SNRPN: variants seen among roughly 807,000 people sequenced by gnomAD.
SNRPN encodes the protein small nuclear ribonucleoprotein-associated protein N.
In SNRPN, 7 loss-of-function variants were observed where a neutral mutation model predicts 25.2. The observed-to-expected ratio is 0.28, with a 90% CI of 0.16 to 0.52. The LOEUF (loss-of-function observed/expected upper bound fraction) is 0.52, where lower values mean the gene tolerates loss of function less well. SNRPN is among the 20% of genes least tolerant of loss of function. The pLI, the probability that SNRPN is intolerant of heterozygous loss-of-function variation, is 0.96. For synonymous variants in SNRPN, 124 were observed against 110.6 expected (o/e 1.12, Z -0.76); for missense variants, 196 against 322.5 (o/e 0.61, Z 3.00).
At chr15:24,914,385 A>G (rs919403422) in intron 2 of SNRPN, among the ~76,000 whole-genome samples, 5 of 152,088 alleles carry the variant, frequency 3.3e-5, no homozygotes, top group Non-Finnish European at 1.5e-5. Context: ...TCCAGCTTCA[A>G]ACTATACTCT....
upstream of SNRPN, among the ~76,000 whole-genome samples, chr15:24,952,770 C>T (rs999683444): frequency 6.6e-6 from 1 of 151,912 alleles, no homozygotes; most frequent in African/African-American, 2.4e-5. Flanking sequence ...AAAAGTAATT[C>T]ATAATCACTG....
chr15:24,973,771 A>G (rs2076746148), intron 3 of SNRPN, among the ~76,000 whole-genome samples: 3 of 152,160 alleles, frequency 2.0e-5, no homozygotes, highest in Non-Finnish European at 4.4e-5. Context: ...CTATATATAT[A>G]TATTCCATAG....
intron 2 of SNRPN, among the ~76,000 whole-genome samples, chr15:24,837,585 G>A (rs1271402440): frequency 2.0e-5 from 3 of 151,792 alleles, no homozygotes; most frequent in Non-Finnish European, 4.4e-5. Context: ...TAGCTAGGAT[G>A]GTCTCGATCT....
At chr15:24,909,048 T>C (rs1313364329) in intron 2 of SNRPN, 16 of 1,424,674 alleles carry the variant, frequency 1.1e-5, no homozygotes, top group Non-Finnish European at 1.6e-5. Context: ...TTAACTTCTT[T>C]CTTGGGCTTA....
At chr15:24,956,358 G>GGGGT (rs1555404335) in intron 1 of SNRPN, among the ~76,000 whole-genome samples, 9 of 151,570 alleles carry the variant, frequency 5.9e-5, no homozygotes, top group Non-Finnish European at 1.3e-4. Context: ...CTTCAGCGGG[G>GGGGT]GGGTGGCCGC....
chr15:24,975,304 T>G (rs1307970684), intron 4 of SNRPN, 54 bp from the exon 5 acceptor site: 11 of 1,467,754 alleles, frequency 7.5e-6, no homozygotes, highest in Non-Finnish European at 9.4e-6. Flanking sequence ...AGGAGAAGAT[T>G]AGAAGACTAG....
At chr15:24,866,017 G>A (rs1307797980) in intron 1 of SNRPN, among the ~76,000 whole-genome samples, 1 of 152,116 alleles carries the variant, frequency 6.6e-6, no homozygotes, top group East Asian at 1.9e-4. Context: ...CTGTTTTAAC[G>A]GTTTCTGCCT....
In SNRPN at chr15:24,974,448, G is replaced by C. The variant is rs914976868; in HGVS notation, c.-6G>C. The C allele has an allele frequency of 1.2e-6, 2 of 1,613,604 alleles. No homozygotes were observed. The highest frequency in any genetic ancestry group is 3.3e-5 in the Admixed American group (2 of 60,010). The stretch of plus-strand genomic sequence containing the variant: ...TGTGGACATTGGATTTGGTGGAACA[G>C]CAATCATGGTAAGCTGTATGATAAG... On this transcript the variant is annotated 5_prime_UTR_variant, in exon 4 of 10. Transcript: ENST00000390687.
intron 3 of SNRPN, among the ~76,000 whole-genome samples, chr15:24,942,067 C>T (rs1018944449): frequency 3.3e-5 from 5 of 152,128 alleles, no homozygotes; most frequent in African/African-American, 7.2e-5. Context: ...CATGAGCCAC[C>T]GTGCCCGGCC....
chr15:24,864,418 G>A (rs1269998783), intron 1 of SNRPN, among the ~76,000 whole-genome samples: 14 of 120,440 alleles, frequency 1.2e-4, no homozygotes, highest in East Asian at 8.0e-4. Flanking sequence ...ATCTCGGCTC[G>A]CTGCAACCTC....
chr15:24,903,773 C>T (rs2058614678), intron 2 of SNRPN, among the ~76,000 whole-genome samples: 1 of 152,202 alleles, frequency 6.6e-6, no homozygotes, highest in South Asian at 2.1e-4. Flanking sequence ...GTGGCTCACA[C>T]TTGTAATCCC....
chr15:24,881,610 A>G (rs200238028), intron 1 of SNRPN, among the ~76,000 whole-genome samples: 3 of 76,656 alleles, frequency 3.9e-5, no homozygotes, highest in East Asian at 1.3e-3. Context: ...AGAGAGAGAG[A>G]GAGAGAGAGA....
chr15:24,919,404 C>A (rs1316575244), intron 2 of SNRPN, among the ~76,000 whole-genome samples: 4 of 146,422 alleles, frequency 2.7e-5, no homozygotes, highest in Admixed American at 6.9e-5. Flanking sequence ...GCATTCCAGC[C>A]TGGGCGACAG....
chr15:24,927,543 T>G (rs75686094), intron 3 of SNRPN, among the ~76,000 whole-genome samples: 2,160 of 144,280 alleles, frequency 0.015, 47 homozygotes, highest in Middle Eastern at 0.054. Flanking sequence ...TGAGAGAAGG[T>G]TGCAGACATC....
At chr15:24,835,059 TAG>T (rs1398849926) in intron 2 of SNRPN, among the ~76,000 whole-genome samples, 4 of 25,534 alleles carry the variant, frequency 1.6e-4, no homozygotes, top group Non-Finnish European at 7.8e-5. Flanking sequence ...TATAAAAATA[TAG>T]ATATATAGTA....
chr15:24,832,313 A>G (rs922905454), intron 2 of SNRPN, among the ~76,000 whole-genome samples: 2 of 152,052 alleles, frequency 1.3e-5, no homozygotes, highest in Non-Finnish European at 2.9e-5. Context: ...TACTCTGACA[A>G]TGTGTCTTTA....
intron 3 of SNRPN, among the ~76,000 whole-genome samples, chr15:24,931,084 A>G (rs888791945): frequency 2.6e-5 from 4 of 152,088 alleles, no homozygotes; most frequent in Non-Finnish European, 5.9e-5. Flanking sequence ...TAAATTCTAT[A>G]AAACTTTTTT....
At position 24,824,093 on chromosome 15, in the gene SNRPN, C is replaced by T. The variant is rs200670492; in HGVS notation, c.-687+243C>T. Among the ~76,000 whole-genome samples the T allele has an allele frequency of 7.2e-5, 11 of 152,126 alleles. No individual in the cohort carries two copies. In the East Asian group the frequency reaches 2.1e-3, roughly 29 times the overall value. On this transcript the variant is annotated intron_variant, in intron 1 of 12. Coordinates refer to the SNRPN transcript ENST00000400100. ...AAGAAAGACAAATGTTACATATTCT[C>T]TGTTTTAGTGTTTTCCAGAAATTTG...
intron 2 of SNRPN, among the ~76,000 whole-genome samples, chr15:24,843,139 C>A (rs899852886): frequency 3.3e-5 from 5 of 152,050 alleles, no homozygotes; most frequent in Non-Finnish European, 7.4e-5. Flanking sequence ...AATCCTGCAA[C>A]CTCGGCTCAC....
Sources: gnomAD v4.1 joint callset for allele counts (sites outside exome capture counted in the v4.1 genomes callset) on GRCh38, gnomAD v4.1.1 for gene constraint, MANE v1.5 for transcripts, NCBI Gene and HGNC (gene_info 2026-07-23, HGNC 2026-07-21) for gene names.